Variants in KLHL29 observed in about 807,000 individuals in gnomAD.
KLHL29 encodes the protein kelch-like protein 29.
KLHL29 carries 21 observed loss-of-function variants against 80.4 expected under a neutral mutation model. That is an observed-to-expected ratio of 0.26 (90% confidence interval 0.19 to 0.38). The LOEUF (loss-of-function observed/expected upper bound fraction) is 0.38. Among genes scored for constraint, KLHL29 ranks in the 10% least tolerant of loss-of-function variants. KLHL29 has a pLI of 1.00. For missense variants in KLHL29, 867 were observed against 1,223.9 expected (o/e 0.71, Z 4.35); for synonymous variants, 511 against 526.8 (o/e 0.97, Z 0.41).
chr2:23,671,199 CTATT>C (rs1670744802), intron 5 of KLHL29, among the ~76,000 whole-genome samples: 2 of 151,868 alleles, frequency 1.3e-5, no homozygotes, highest in Non-Finnish European at 2.9e-5. Flanking sequence ...TCCTTTAAAA[CTATT>C]TATTTATTTG....
chr2:23,607,388 G>C (rs887472550), intron 3 of KLHL29, among the ~76,000 whole-genome samples: 2 of 152,196 alleles, frequency 1.3e-5, no homozygotes, highest in Admixed American at 1.3e-4. Flanking sequence ...AATGCCAAAG[G>C]GAAGATGGGA....
At chr2:23,538,762 C>T (rs1666749665) in intron 2 of KLHL29, among the ~76,000 whole-genome samples, 1 of 152,140 alleles carries the variant, frequency 6.6e-6, no homozygotes, top group Non-Finnish European at 1.5e-5. Flanking sequence ...TTGCTTGTTC[C>T]ACCAGTTCTC....
intron 3 of KLHL29, among the ~76,000 whole-genome samples, chr2:23,636,154 G>A (rs1229446289): frequency 6.6e-6 from 1 of 152,146 alleles, no homozygotes; most frequent in Non-Finnish European, 1.5e-5. Context: ...TCGTAGGAGG[G>A]GCCTCTAGTC....
chr2:23,386,042 G>C (rs2103378108), intron 1 of KLHL29, among the ~76,000 whole-genome samples: 1 of 152,268 alleles, frequency 6.6e-6, no homozygotes, highest in East Asian at 1.9e-4. Context: ...TGTATGCACC[G>C]GGGCTGCCTG....
intron 5 of KLHL29, among the ~76,000 whole-genome samples, chr2:23,653,964 C>T (rs946152068): frequency 6.6e-6 from 1 of 152,140 alleles, no homozygotes; most frequent in South Asian, 2.1e-4. Context: ...GTCAGGAGTT[C>T]AAGACCAGCC....
chr2:23,534,140 G>T (rs546518385), intron 2 of KLHL29, among the ~76,000 whole-genome samples: 1 of 152,050 alleles, frequency 6.6e-6, no homozygotes, highest in East Asian at 1.9e-4. Flanking sequence ...CCATTTTATC[G>T]TGTTTCTTCC....
At chr2:23,629,110 A>G (rs1041113871) in intron 3 of KLHL29, among the ~76,000 whole-genome samples, 3 of 152,336 alleles carry the variant, frequency 2.0e-5, no homozygotes, top group Admixed American at 6.5e-5. Flanking sequence ...GGCCGCTACA[A>G]GGAACGCGGC....
Position 23,705,988 on chromosome 2 carries a change from T to C in KLHL29, c.2445-493T>C, listed in dbSNP as rs1572543707. The stretch of plus-strand genomic sequence containing the variant: ...CATGCCCGGCCCTTGCAATCCTGGG[T>C]GGGCAGCAGCACCAGGTCACACAGA... On this transcript the variant is annotated intron_variant, in intron 13 of 13. Transcript: ENST00000486442. Among the ~76,000 whole-genome samples the C allele has an allele frequency of 3.9e-5, 6 of 152,288 alleles. 1 individual carries two copies. The South Asian group carries it at 1.2e-3, about 32-fold the overall frequency.
intron 3 of KLHL29, among the ~76,000 whole-genome samples, chr2:23,567,630 GA>G (rs911146576): frequency 6.6e-6 from 1 of 152,232 alleles, no homozygotes; most frequent in Non-Finnish European, 1.5e-5. Context: ...TTTCCGTGGG[GA>G]TCATGTGAGT....
At chr2:23,631,391 A>T (rs548317215) in intron 3 of KLHL29, among the ~76,000 whole-genome samples, 1 of 152,254 alleles carries the variant, frequency 6.6e-6, no homozygotes, top group Non-Finnish European at 1.5e-5. Flanking sequence ...TTTAGCAGCA[A>T]GTTGATAGAG....
intron 1 of KLHL29, among the ~76,000 whole-genome samples, chr2:23,448,674 C>T (rs948682801): frequency 2.0e-5 from 3 of 152,192 alleles, no homozygotes; most frequent in Non-Finnish European, 4.4e-5. Flanking sequence ...CCCACTCAAC[C>T]ACCTTCTGGG....
chr2:23,566,136 T>G (rs971533477), intron 3 of KLHL29, among the ~76,000 whole-genome samples: 1 of 152,238 alleles, frequency 6.6e-6, no homozygotes, highest in Non-Finnish European at 1.5e-5. Flanking sequence ...CATTTGTCTG[T>G]GGCCTAAAGA....
At chr2:23,400,893 C>G (rs1438825304) in intron 1 of KLHL29, among the ~76,000 whole-genome samples, 1 of 152,214 alleles carries the variant, frequency 6.6e-6, no homozygotes, top group Middle Eastern at 3.2e-3. Flanking sequence ...GGCTCAAACA[C>G]TAGCTGGCTA....
At chr2:23,436,900 T>C (rs965238985) in intron 1 of KLHL29, among the ~76,000 whole-genome samples, 2 of 152,160 alleles carry the variant, frequency 1.3e-5, no homozygotes, top group Non-Finnish European at 2.9e-5. Context: ...GCTAGGAGCA[T>C]TGCAGACCAG....
At chr2:23,426,882 G>A (rs1415346859) in intron 1 of KLHL29, among the ~76,000 whole-genome samples, 1 of 152,156 alleles carries the variant, frequency 6.6e-6, no homozygotes, top group Admixed American at 6.5e-5. Context: ...TACACATGAC[G>A]CACCCTGAAA....
At position 23,695,430 on chromosome 2, in the gene KLHL29, C is replaced by T. The variant is rs1047752783; in HGVS notation, c.1543-193C>T. On this transcript the variant is annotated intron_variant, in intron 8 of 13. Coordinates refer to ENST00000486442, the MANE Select transcript of KLHL29 (RefSeq NM_052920.2). This position sits in a 1 kb window ranked among gnomAD's most constrained non-coding sequence, Gnocchi z 7.6. ...CCTCCCCTCCGCACCCCTGCGCTCC[C>T]GGCCCTCCCCTCCACACCTCCAGCT... 1.2e-4 allele frequency among the ~76,000 whole-genome samples: 18 copies of T among 152,094 alleles called. No individual in the cohort carries two copies. The highest frequency in any genetic ancestry group is 3.3e-4 in the Admixed American group (5 of 15,272).
chr2:23,691,875 C>G lies in KLHL29; in HGVS notation c.1281C>G (p.Leu427=), dbSNP rs898832302. 3.2e-6 allele frequency: 5 copies of G among 1,548,308 alleles called. No individual in the cohort carries two copies. In the Admixed American group the frequency reaches 9.8e-5, roughly 30 times the overall value. ...TCTGCAAAGTCTGCGTGTCCTTTCT[C>G]GGTGAGCCCGGGGGCCACATATGTC... is the stretch of plus-strand genomic sequence containing the variant. ...HTFCKVCVSF[L]EKQLTASNCL... The change falls in exon 7 of 14, where the codon CTC becomes CTG. Residue 427 remains leucine, a splice_region_variant and synonymous_variant. Coordinates refer to ENST00000486442, the MANE Select transcript of KLHL29 (RefSeq NM_052920.2).
chr2:23,585,072 C>G (rs1159723522), intron 3 of KLHL29, among the ~76,000 whole-genome samples: 1 of 152,202 alleles, frequency 6.6e-6, no homozygotes, highest in Admixed American at 6.5e-5. Flanking sequence ...ATGCAGAAGA[C>G]ACAGACCGTA....
At chr2:23,468,213 C>T (rs549068262) in intron 1 of KLHL29, among the ~76,000 whole-genome samples, 17 of 151,982 alleles carry the variant, frequency 1.1e-4, no homozygotes, top group Admixed American at 4.6e-4. Flanking sequence ...TGCCATCAAA[C>T]GGCAGAGCTG....
Sources: allele counts gnomAD v4.1 joint callset (sites outside exome capture counted in the v4.1 genomes callset), GRCh38; gene constraint gnomAD v4.1.1; non-coding constraint Gnocchi (gnomAD v3.1); transcripts MANE v1.5; gene names NCBI Gene and HGNC (gene_info 2026-07-23, HGNC 2026-07-21).